Variants in UGT1A6 observed in about 807,000 individuals in gnomAD.
UGT1A6 encodes the protein UDP-glucuronosyltransferase 1A6.
In UGT1A6, 32 loss-of-function variants were observed where a neutral mutation model predicts 44.4. The observed-to-expected ratio is 0.72, with a 90% CI of 0.54 to 0.97. The LOEUF (loss-of-function observed/expected upper bound fraction) is 0.97. Among genes scored for constraint, UGT1A6 ranks in the 50% least tolerant of loss-of-function variants. The pLI is 0.00. For synonymous variants in UGT1A6, 238 were observed against 248.5 expected (o/e 0.96, Z 0.40); for missense variants, 685 against 661.9 (o/e 1.03, Z -0.38).
intron 1 of UGT1A6, among the ~76,000 whole-genome samples, chr2:233,715,509 C>T (rs991063274): frequency 6.6e-6 from 1 of 152,138 alleles, no homozygotes; most frequent in Non-Finnish European, 1.5e-5. Flanking sequence ...GGGTAGCTCA[C>T]ACCTGTAATT....
chr2:233,693,455 C>A lies in UGT1A6; in HGVS notation c.451C>A (p.Pro151Thr). The change falls in exon 1 of 5, where the codon CCA (proline) becomes ACA (threonine). Residue 151 changes from proline (P) to threonine (T), a missense_variant. By Grantham distance (38) the Pro-to-Thr change is conservative (BLOSUM62 -1). Transcript: ENST00000305139. ...CAAGTTTGATGCTCTTTTCACAGAC[C>A]CAGCCTTACCCTGTGGGGTGATCCT... is the stretch of plus-strand genomic sequence containing the variant. ...ESKFDALFTD[P>T]ALPCGVILAE... 6.2e-7 allele frequency: 1 copy of A among 1,614,054 alleles called. No homozygotes were observed.
At chr2:233,725,028 T>C (rs2077347799) in intron 1 of UGT1A6, among the ~76,000 whole-genome samples, 1 of 148,182 alleles carries the variant, frequency 6.7e-6, no homozygotes, top group African/African-American at 2.5e-5. Flanking sequence ...AAACCCGGTC[T>C]CCACCAAAAC....
intron 1 of UGT1A6, among the ~76,000 whole-genome samples, chr2:233,712,177 C>T (rs28898598): frequency 0.021 from 3,273 of 152,310 alleles, 114 homozygotes; most frequent in African/African-American, 0.075. Context: ...GATCTGAGGC[C>T]AGGCTCCAGC....
chr2:233,754,900 C>G, intron 1 of UGT1A6: 3 of 1,352,224 alleles, frequency 2.2e-6, no homozygotes, highest in Non-Finnish European at 3.0e-6. Flanking sequence ...CTCTGACCCC[C>G]CAAAATATTC....
chr2:233,765,991 C>T (rs939830697), intron 1 of UGT1A6, among the ~76,000 whole-genome samples: 3 of 152,048 alleles, frequency 2.0e-5, no homozygotes, highest in Admixed American at 1.3e-4. Context: ...TCCTGAAGCT[C>T]CAGTGGGCGT....
chr2:233,729,379 A>C, intron 1 of UGT1A6: 1 of 1,613,990 alleles, frequency 6.2e-7, no homozygotes, highest in South Asian at 1.1e-5. Context: ...CATTTCGTGG[A>C]CCCAGGATGA....
intron 1 of UGT1A6, among the ~76,000 whole-genome samples, chr2:233,710,371 A>G (rs1323187790): frequency 6.6e-6 from 1 of 152,256 alleles, no homozygotes; most frequent in Non-Finnish European, 1.5e-5. Context: ...ACAATTTTAC[A>G]TTCCTAACAG....
intron 1 of UGT1A6, chr2:233,755,107 C>A (rs952341644): frequency 1.5e-6 from 2 of 1,333,188 alleles, no homozygotes; most frequent in Non-Finnish European, 2.0e-6. Context: ...TCCGACAACA[C>A]CTCGTAGGCC....
chr2:233,747,506 A>G, intron 1 of UGT1A6: 1 of 1,608,324 alleles, frequency 6.2e-7, no homozygotes, highest in Non-Finnish European at 8.5e-7. Flanking sequence ...GCCACACTCA[A>G]CTGTACTTTG....
intron 1 of UGT1A6, among the ~76,000 whole-genome samples, chr2:233,725,204 A>C (rs1419475317): frequency 1.4e-4 from 12 of 85,222 alleles, no homozygotes; most frequent in African/African-American, 6.2e-4. Flanking sequence ...AGGCAGAGGC[A>C]GAGGCAGAGG....
At position 233,772,459 on chromosome 2, in the gene UGT1A6, C is replaced by G. The variant is rs1268705566; in HGVS notation, c.1499C>G (p.Thr500Arg). The change falls in exon 5 of 5, where the codon ACA becomes AGA. Residue 500 changes from threonine to arginine, a missense_variant. Coordinates refer to ENST00000305139, the MANE Select transcript of UGT1A6 (RefSeq NM_001072.4). ...VIGFLLAVVL[T>R]VAFITFKCCA... is the part of the protein sequence containing the mutation. Reference sequence around the variant, plus strand: ...GGTTTCCTCTTGGCCGTCGTGCTGACAGTGGCCTTCATCACCTTTAAATGT... The same window carrying G: ...GGTTTCCTCTTGGCCGTCGTGCTGAGAGTGGCCTTCATCACCTTTAAATGT... 5 of 1,614,074 alleles carry G rather than the reference C, an allele frequency of 3.1e-6. No individual in the cohort carries two copies. In the Admixed American group the frequency reaches 8.3e-5, roughly 27 times the overall value.
intron 1 of UGT1A6, among the ~76,000 whole-genome samples, chr2:233,727,123 C>T (rs2077584182): frequency 1.3e-5 from 2 of 152,116 alleles, no homozygotes; most frequent in Non-Finnish European, 2.9e-5. Flanking sequence ...GTGAGATTGG[C>T]AGAGGGGAAC....
At position 233,693,340 on chromosome 2, in the gene UGT1A6, C is replaced by A; in HGVS notation, c.336C>A (p.Tyr112Ter). ...RSFLTAPQTE[Y>*]RNNMIVIGLY... ...TCCTAACTGCTCCTCAGACAGAGTACAGGAATAACATGATTGTTATTGGCC... is the reference window on the plus strand; with the variant it reads ...TCCTAACTGCTCCTCAGACAGAGTAAAGGAATAACATGATTGTTATTGGCC... The change falls in exon 1 of 5, where the codon TAC becomes TAA. Residue 112 changes from tyrosine (Y) to a stop codon, truncating the protein, a stop_gained. Coordinates refer to ENST00000305139, the MANE Select transcript of UGT1A6 (RefSeq NM_001072.4). LOFTEE classifies it high-confidence loss of function. The A allele has an allele frequency of 6.2e-7, 1 of 1,614,192 alleles. No individual in the cohort carries two copies. Among genetic ancestry groups the A allele is most frequent in the Non-Finnish European group, 8.5e-7 (1 of 1,180,040 alleles).
intron 1 of UGT1A6, among the ~76,000 whole-genome samples, chr2:233,725,543 ATAT>A (rs909924952): frequency 1.3e-5 from 2 of 152,112 alleles, no homozygotes; most frequent in African/African-American, 4.8e-5. Flanking sequence ...CATATCACAA[ATAT>A]TATCCTTTCA....
intron 1 of UGT1A6, chr2:233,713,866 T>C (rs1467749451): frequency 2.5e-6 from 4 of 1,613,892 alleles, no homozygotes; most frequent in Non-Finnish European, 3.4e-6. Flanking sequence ...CAGGTCTGTA[T>C]TGGTGCCTTT....
chr2:233,712,012 T>G (rs2076210233), intron 1 of UGT1A6, among the ~76,000 whole-genome samples: 1 of 152,224 alleles, frequency 6.6e-6, no homozygotes, highest in Non-Finnish European at 1.5e-5. Flanking sequence ...GGAACCATTC[T>G]TATCAGAACT....
Position 233,734,700 on chromosome 2 carries a change from T to TTG in UGT1A6, c.862-32334_862-32333insTG, listed in dbSNP as rs1319489997. Among the ~76,000 whole-genome samples the TTG allele has an allele frequency of 9.9e-3, 1,501 of 152,266 alleles. 21 individuals carry two copies. Among genetic ancestry groups the TTG allele is most frequent in the African/African-American group, 0.034 (1,432 of 41,556 alleles). ...ACTGATTTAAATGTGTCCCAGAGATTCTGGTATGTTGTGTCTTTGTTCTCG... is the reference window on the plus strand; with the variant it reads ...ACTGATTTAAATGTGTCCCAGAGATTTGCTGGTATGTTGTGTCTTTGTTCTCG... On this transcript the variant is annotated intron_variant, in intron 1 of 4. Coordinates refer to ENST00000305139, the MANE Select transcript of UGT1A6 (RefSeq NM_001072.4).
intron 1 of UGT1A6, among the ~76,000 whole-genome samples, chr2:233,728,276 G>C (rs1254522252): frequency 6.6e-6 from 1 of 152,142 alleles, no homozygotes; most frequent in Non-Finnish European, 1.5e-5. Flanking sequence ...TGGAGCCTTC[G>C]GCATTCAGAA....
At chr2:233,754,990 G>A (rs1695677105) in intron 1 of UGT1A6, 1 of 1,294,272 alleles carries the variant, frequency 7.7e-7, no homozygotes, top group Non-Finnish European at 1.0e-6. Context: ...GCGGGGTCAC[G>A]GAAGCTGAAG....
Sources: allele counts gnomAD v4.1 joint callset (sites outside exome capture counted in the v4.1 genomes callset), GRCh38; gene constraint gnomAD v4.1.1; transcripts MANE v1.5; gene names NCBI Gene and HGNC (gene_info 2026-07-23, HGNC 2026-07-21).